The following HNRNPA1 variants were observed in gnomAD, a reference collection of about 807,000 sequenced individuals.
HNRNPA1 encodes the protein epididymis secretory sperm binding protein.
HNRNPA1 carries 7 observed loss-of-function variants against 44.4 expected under a neutral mutation model. That is an observed-to-expected ratio of 0.16 (90% CI 0.09 to 0.30). HNRNPA1 has a LOEUF of 0.30. HNRNPA1 is among the 10% of genes least tolerant of loss of function. The pLI, the probability that HNRNPA1 is intolerant of heterozygous loss-of-function variation, is 1.00. For missense variants in HNRNPA1, 193 were observed against 465.8 expected (o/e 0.41, Z 5.39); for synonymous variants, 169 against 160.6 (o/e 1.05, Z -0.40).
intron 1 of HNRNPA1, 189 bp downstream of exon 1, chr12:54,281,011 C>A (rs7976669): frequency 6.6e-5 from 48 of 724,600 alleles, no homozygotes; most frequent in Non-Finnish European, 1.2e-4. Flanking sequence ...TCTCCGCCAA[C>A]CATGAGTTAT....
rs759454469 is a variant in HNRNPA1, at chr12:54,281,784, A to G, written c.133-11A>G. 6.8e-6 allele frequency: 11 copies of G among 1,607,290 alleles called. No homozygotes were observed. The East Asian group carries it at 2.0e-4, about 29-fold the overall frequency. ...CAGACTTTGTGTTACATAAATTAAC[A>G]CTGTTCTCAGGTAATGAGAGATCCA... is the stretch of plus-strand genomic sequence containing the variant. On this transcript the variant is annotated splice_polypyrimidine_tract_variant and intron_variant, in intron 2 of 10. Coordinates refer to ENST00000340913, the MANE Select transcript of HNRNPA1 (RefSeq NM_031157.4).
At chr12:54,283,688 G>A (rs1944216472) in intron 8 of HNRNPA1, 124 bp from the exon 9 acceptor site, 2 of 908,170 alleles carry the variant, frequency 2.2e-6, no homozygotes, top group African/African-American at 3.3e-5. Context: ...AAAGATTGGA[G>A]TCACCATAGT....
At chr12:54,281,140 A>G (rs1474954606) in intron 1 of HNRNPA1, 8 of 699,914 alleles carry the variant, frequency 1.1e-5, no homozygotes, top group South Asian at 9.0e-5. Context: ...GTGGAGATGC[A>G]CCCCTACCGC....
rs1418400972 is a variant in HNRNPA1 at position 54,281,783 on chromosome 12, C to T, written c.133-12C>T. Reference sequence around the variant, plus strand: ...TCAGACTTTGTGTTACATAAATTAACACTGTTCTCAGGTAATGAGAGATCC... The same window carrying T: ...TCAGACTTTGTGTTACATAAATTAATACTGTTCTCAGGTAATGAGAGATCC... On this transcript the variant is annotated splice_polypyrimidine_tract_variant and intron_variant, in intron 2 of 10. Coordinates refer to ENST00000340913, the MANE Select transcript of HNRNPA1 (RefSeq NM_031157.4). 3.1e-6 allele frequency: 5 copies of T among 1,606,832 alleles called. No individual in the cohort carries two copies. In the African/African-American group the frequency reaches 6.7e-5, roughly 22 times the overall value.
Position 54,284,299 on chromosome 12 carries a change from G to A in HNRNPA1, c.1105G>A (p.Gly369Ser), listed in dbSNP as rs1320311003. The A allele has an allele frequency of 2.0e-5, 32 of 1,613,790 alleles. No individual in the cohort carries two copies. The highest frequency in any genetic ancestry group is 2.7e-5 in the African/African-American group (2 of 74,924). The change falls in exon 10 of 11, where the codon GGC (glycine) becomes AGC (serine). Residue 369 changes from glycine to serine, a missense_variant. Transcript: ENST00000340913. ...CAGCAGCAGCAGTAGCTATGGCAGT[G>A]GCAGAAGATTTTAATTAGGTAAGTA... ...GSSSSSSYGS[G>S]RRF
intron 2 of HNRNPA1, 128 bp from the exon 3 acceptor site, chr12:54,281,667 G>A: frequency 1.8e-6 from 2 of 1,081,282 alleles, no homozygotes; most frequent in South Asian, 1.4e-5. Flanking sequence ...TTAAATCTAG[G>A]GTAGTGGGAA....
chr12:54,284,104 C>T, intron 9 of HNRNPA1, 137 bp downstream of exon 9: 1 of 1,311,236 alleles, frequency 7.6e-7, no homozygotes, highest in East Asian at 2.4e-5. Context: ...AATTTGATCA[C>T]AAATTAGAAA....
chr12:54,283,048 T>C (rs1327998036), intron 7 of HNRNPA1, 31 bp from the exon 8 acceptor site: 2 of 1,608,124 alleles, frequency 1.2e-6, no homozygotes, highest in East Asian at 2.2e-5. Flanking sequence ...CAAATACTTT[T>C]GTCTTATTGA....
intron 4 of HNRNPA1, 45 bp downstream of exon 4, chr12:54,282,345 A>G (rs1332248576): frequency 3.1e-6 from 5 of 1,609,748 alleles, no homozygotes; most frequent in South Asian, 2.2e-5. Context: ...CACAATCTGT[A>G]TGGCATTCTA....
At chr12:54,283,277 T>A in intron 8 of HNRNPA1, 43 bp downstream of exon 8, 1 of 1,596,304 alleles carries the variant, frequency 6.3e-7, no homozygotes, top group Non-Finnish European at 8.5e-7. Context: ...ACAGCTAGAT[T>A]AGCCTTTTAG....
At chr12:54,284,232 T>C (rs2137045649) in intron 9 of HNRNPA1, 26 bp from the exon 10 acceptor site, 2 of 1,610,926 alleles carry the variant, frequency 1.2e-6, no homozygotes. Flanking sequence ...ACTTTGAAAC[T>C]TTAAAAGAAA....
chr12:54,283,215 C>CGGCTTTGGCGGTGGT lies in HNRNPA1; in HGVS notation c.889_903dup (p.Gly297_Gly301dup). 6.2e-7 allele frequency: 1 copy of CGGCTTTGGCGGTGGT among 1,610,094 alleles called. No homozygotes were observed. The highest frequency in any genetic ancestry group is 8.5e-7 in the Non-Finnish European group (1 of 1,178,562). ...ACAGCTATAACAACGGAGGCGGAGG[C>CGGCTTTGGCGGTGGT]GGCTTTGGCGGTGGTAGTGGTAGGT... is the stretch of plus-strand genomic sequence containing the variant. On this transcript the variant is annotated inframe_insertion, in exon 8 of 11. Coordinates refer to ENST00000340913, the MANE Select transcript of HNRNPA1 (RefSeq NM_031157.4).
At chr12:54,281,180 G>A (rs775183004) in intron 1 of HNRNPA1, 102 of 699,200 alleles carry the variant, frequency 1.5e-4, no homozygotes, top group Non-Finnish European at 1.5e-4. Flanking sequence ...GCGTCGGAAG[G>A]CGACTAGGGA....
At chr12:54,281,351 A>T (rs754922339) in intron 1 of HNRNPA1, 35 bp from the exon 2 acceptor site, 1 of 1,104,286 alleles carries the variant, frequency 9.1e-7, no homozygotes, top group Non-Finnish European at 1.4e-6. Flanking sequence ...TTCGTGTTGT[A>T]GCCCATTTAA....
rs1944173871 is a variant in HNRNPA1, at chr12:54,281,684, C to T, written c.133-111C>T. On this transcript the variant is annotated intron_variant, in intron 2 of 10. Coordinates refer to ENST00000340913, the MANE Select transcript of HNRNPA1 (RefSeq NM_031157.4). ...AAATCTAGGGTAGTGGGAAACTGGA[C>T]GACTTTTTATAAAAGGCTGGTGTAA... 4.9e-6 allele frequency: 6 copies of T among 1,228,986 alleles called. No individual in the cohort carries two copies. In the East Asian group the frequency reaches 1.2e-4, roughly 26 times the overall value. 76.1% of individuals were successfully genotyped at this position (1,228,986 alleles called of 1,614,324 possible).
Position 54,282,846 on chromosome 12 carries a change from G to A in HNRNPA1, c.723G>A (p.Gly241=), listed in dbSNP as rs1301550225. 2 of 1,551,292 alleles carry A rather than the reference G, an allele frequency of 1.3e-6. No individual in the cohort carries two copies. The highest frequency in any genetic ancestry group is 2.7e-5 in the African/African-American group (2 of 72,994). Residue 241 remains glycine (G), a synonymous_variant, in exon 7 of 11, where the codon GGG becomes GGA. Coordinates refer to ENST00000340913, the MANE Select transcript of HNRNPA1 (RefSeq NM_031157.4). ...SRGGGGYGGS[G]DGYNGFGNDG... The stretch of plus-strand genomic sequence containing the variant: ...GTGGTGGTGGATATGGTGGCAGTGG[G>A]GATGGCTATAATGGATTTGGTAATG...
At chr12:54,281,687 CTT>C (rs892897306) in intron 2 of HNRNPA1, 106 bp from the exon 3 acceptor site, 6 of 1,266,902 alleles carry the variant, frequency 4.7e-6, no homozygotes, top group African/African-American at 1.5e-5. Flanking sequence ...AACTGGACGA[CTT>C]TTTATAAAAG....
chr12:54,280,888 C>T, intron 1 of HNRNPA1, 66 bp downstream of exon 1: 1 of 1,568,800 alleles, frequency 6.4e-7, no homozygotes, highest in Non-Finnish European at 8.8e-7. Context: ...TAAGATGCTG[C>T]TGGGTTTCGT....
intron 1 of HNRNPA1, 132 bp from the exon 2 acceptor site, chr12:54,281,254 A>G: frequency 1.4e-6 from 1 of 727,730 alleles, no homozygotes; most frequent in Non-Finnish European, 2.5e-6. Context: ...GATAGGCAGA[A>G]GCACGTGTCT....
Sources: allele counts gnomAD v4.1 joint callset, GRCh38; gene constraint gnomAD v4.1.1; transcripts MANE v1.5; gene names NCBI Gene and HGNC (gene_info 2026-07-23, HGNC 2026-07-21).